SGSM1: variants seen among roughly 807,000 people sequenced by gnomAD.
SGSM1 encodes the protein small G protein signaling modulator 1.
Under a neutral mutation model 133.8 loss-of-function variants are expected in SGSM1, and 73 were observed. The ratio of observed to expected loss-of-function variants is 0.55; its 90% CI spans 0.45 to 0.66. The LOEUF (loss-of-function observed/expected upper bound fraction) is 0.66, where lower values mean the gene tolerates loss of function less well. Ranked by LOEUF, SGSM1 falls within the 30% of genes least tolerant of loss-of-function variation. The pLI, the probability that SGSM1 is intolerant of heterozygous loss-of-function variation, is 0.00. For missense variants in SGSM1, 1,213 were observed against 1,448.1 expected, an observed-to-expected ratio of 0.84 and a Z score of 2.64; for synonymous variants, 563 against 573.0, an observed-to-expected ratio of 0.98 and a Z score of 0.25.
chr22:24,853,493 C>T (rs979090164), intron 5 of SGSM1, among the ~76,000 whole-genome samples: 1 of 152,180 alleles, frequency 6.6e-6, no homozygotes, highest in Non-Finnish European at 1.5e-5. Flanking sequence ...TGTATTAGTT[C>T]GTTTTCATGC....
intron 16 of SGSM1, among the ~76,000 whole-genome samples, chr22:24,888,943 T>C (rs1467624887): frequency 2.0e-5 from 2 of 97,916 alleles, no homozygotes; most frequent in Non-Finnish European, 4.0e-5. Context: ...GTCACCTTTT[T>C]TTTTTTTTTT....
intron 3 of SGSM1, among the ~76,000 whole-genome samples, chr22:24,846,211 A>C (rs1601916284): frequency 6.7e-6 from 1 of 149,570 alleles, no homozygotes; most frequent in African/African-American, 2.5e-5. Context: ...GCTAATTTTA[A>C]ATTTTTCTGT....
intron 2 of SGSM1, among the ~76,000 whole-genome samples, chr22:24,836,658 T>A (rs895500490): frequency 8.5e-5 from 13 of 152,264 alleles, no homozygotes; most frequent in Non-Finnish European, 1.3e-4. Context: ...GTGAGTGGTA[T>A]CTCATTGTGG....
At chr22:24,879,556 C>A (rs45449992) in intron 14 of SGSM1, 30 bp downstream of exon 14, 126,878 of 1,603,914 alleles carry the variant, frequency 0.079, 6,269 homozygotes, top group Admixed American at 0.17. Flanking sequence ...GCCAGTGTGT[C>A]TCCGTGGAGC....
chr22:24,834,296 G>A (rs912775672), intron 2 of SGSM1, among the ~76,000 whole-genome samples: 4 of 152,246 alleles, frequency 2.6e-5, no homozygotes, highest in African/African-American at 9.6e-5. Flanking sequence ...AGTTTCCTTG[G>A]CTGGAGCTGC....
At chr22:24,833,047 G>C (rs548553714) in intron 2 of SGSM1, among the ~76,000 whole-genome samples, 106 of 151,782 alleles carry the variant, frequency 7.0e-4, no homozygotes, top group African/African-American at 2.5e-3. Flanking sequence ...CGATTCTCCT[G>C]CCTCAGCCTC....
chr22:24,855,559 G>A lies in SGSM1; in HGVS notation c.680G>A (p.Arg227Lys). Residue 227 changes from arginine (R) to lysine (K), a missense_variant, in exon 8 of 25, where the codon AGG (arginine) becomes AAG (lysine). Physicochemically the swap from Arg to Lys is conservative, Grantham distance 26. Transcript: ENST00000400358. The stretch of plus-strand genomic sequence containing the variant: ...GTCACTCTCTACCAGATCCAGAAGA[G>A]GCATTCCAGTGGCAGCATGGATGAC... ...TKRPALCIQK[R>K]HSSGSMDDRP... is the part of the protein sequence containing the mutation. 1 of 1,613,884 alleles carries A rather than the reference G, an allele frequency of 6.2e-7. No homozygotes were observed. Among genetic ancestry groups the A allele is most frequent in the Non-Finnish European group, 8.5e-7 (1 of 1,179,846 alleles).
At chr22:24,837,871 C>T (rs1483295345) in intron 2 of SGSM1, among the ~76,000 whole-genome samples, 1 of 152,180 alleles carries the variant, frequency 6.6e-6, no homozygotes, top group Non-Finnish European at 1.5e-5. Context: ...AAAGTAACTG[C>T]TACAAACTAA....
At chr22:24,863,392 C>T (rs1006098979) in intron 9 of SGSM1, among the ~76,000 whole-genome samples, 4 of 152,114 alleles carry the variant, frequency 2.6e-5, no homozygotes, top group African/African-American at 9.7e-5. Context: ...CTCTTGACCT[C>T]GTGATCCACC....
intron 2 of SGSM1, among the ~76,000 whole-genome samples, chr22:24,833,512 G>A (rs999834407): frequency 6.6e-6 from 1 of 152,140 alleles, no homozygotes; most frequent in East Asian, 2.0e-4. Context: ...ACAAAAATCA[G>A]CTGGGCGTGG....
chr22:24,887,381 T>A (rs116945400), intron 16 of SGSM1, among the ~76,000 whole-genome samples: 1 of 152,136 alleles, frequency 6.6e-6, no homozygotes, highest in Non-Finnish European at 1.5e-5. Flanking sequence ...TGGGATTGAC[T>A]TTTTTTCACT....
At chr22:24,898,635 T>A in intron 19 of SGSM1, 76 bp downstream of exon 19, 2 of 1,408,666 alleles carry the variant, frequency 1.4e-6, no homozygotes, top group Middle Eastern at 1.8e-4. Context: ...AAGCCTGTTA[T>A]CCAGAATGAC....
intron 14 of SGSM1, among the ~76,000 whole-genome samples, chr22:24,882,850 T>C (rs1027191566): frequency 6.6e-6 from 1 of 152,186 alleles, no homozygotes; most frequent in Non-Finnish European, 1.5e-5. Context: ...ATTCTTTTCA[T>C]GGCTGAATAA....
At chr22:24,884,854 C>T (rs990994962) in intron 15 of SGSM1, among the ~76,000 whole-genome samples, 3 of 152,324 alleles carry the variant, frequency 2.0e-5, no homozygotes, top group South Asian at 2.1e-4. Flanking sequence ...CCCCACCATA[C>T]ACCACATACC....
Position 24,867,161 on chromosome 22 carries a change from G to A in SGSM1, c.994+1G>A. 6.2e-7 allele frequency: 1 copy of A among 1,613,720 alleles called. No individual in the cohort carries two copies. Among genetic ancestry groups the A allele is most frequent in the Non-Finnish European group, 8.5e-7 (1 of 1,179,828 alleles). ...GTCTACCTGCACTGCCACCAGCAAG[G>A]TAGGGACTGTGGGGACAGGAGGGGT... On this transcript the variant is annotated splice_donor_variant, in intron 10 of 24. Transcript: ENST00000400358. LOFTEE classifies it high-confidence loss of function.
intron 2 of SGSM1, among the ~76,000 whole-genome samples, chr22:24,810,717 G>A (rs1452909822): frequency 6.6e-6 from 1 of 152,140 alleles, no homozygotes; most frequent in East Asian, 1.9e-4. Flanking sequence ...GGCAGGTCCT[G>A]GAGTGGAAGC....
At chr22:24,808,522 C>G (rs1927550660) in intron 2 of SGSM1, among the ~76,000 whole-genome samples, 1 of 152,136 alleles carries the variant, frequency 6.6e-6, no homozygotes, top group Non-Finnish European at 1.5e-5. Flanking sequence ...GTGGTTTAAC[C>G]AGACCTACGT....
intron 23 of SGSM1, 110 bp from the exon 24 acceptor site, chr22:24,919,716 T>C: frequency 7.9e-7 from 1 of 1,262,296 alleles, no homozygotes; most frequent in South Asian, 1.4e-5. Flanking sequence ...GGCACAGGCA[T>C]AAGGCAAAAC....
At chr22:24,922,431 C>T (rs1934045104) in intron 24 of SGSM1, among the ~76,000 whole-genome samples, 2 of 149,696 alleles carry the variant, frequency 1.3e-5, no homozygotes, top group Non-Finnish European at 1.5e-5. Flanking sequence ...CCGCCCACCT[C>T]GGCCTCCCAA....
Sources: gnomAD v4.1 joint callset for allele counts (sites outside exome capture counted in the v4.1 genomes callset) on GRCh38, gnomAD v4.1.1 for gene constraint, MANE v1.5 for transcripts, NCBI Gene and HGNC (gene_info 2026-07-23, HGNC 2026-07-21) for gene names.